The following IMMP2L variants were observed in gnomAD, a reference collection of about 807,000 sequenced individuals.
The protein encoded by IMMP2L is mitochondrial inner membrane protease subunit 2.
In IMMP2L, 18 loss-of-function variants were observed where a neutral mutation model predicts 19.3. The ratio of observed to expected loss-of-function variants is 0.93; its 90% confidence interval spans 0.64 to 1.38. IMMP2L has a LOEUF of 1.38. Ranked by LOEUF, IMMP2L falls within the 40% of genes most tolerant of loss-of-function variation. The probability of loss-of-function intolerance (pLI) is 0.00; values close to 1 mark genes in which losing one functional copy is unlikely to be tolerated. For synonymous variants in IMMP2L, 76 were observed against 73.0 expected, an observed-to-expected ratio of 1.04 and a Z score of -0.21; for missense variants, 233 against 218.2, an observed-to-expected ratio of 1.07 and a Z score of -0.43.
At chr7:110,918,401 T>A (rs141178915) in intron 4 of IMMP2L, among the ~76,000 whole-genome samples, 2 of 152,024 alleles carry the variant, frequency 1.3e-5, no homozygotes, top group African/African-American at 4.8e-5. Flanking sequence ...TTATTTAAGA[T>A]GTGTGAGCTA....
At chr7:111,172,230 C>A (rs569414879) in intron 3 of IMMP2L, among the ~76,000 whole-genome samples, 1 of 151,514 alleles carries the variant, frequency 6.6e-6, no homozygotes, top group African/African-American at 2.4e-5. Flanking sequence ...AAGCAGACTG[C>A]ACTCAACATT....
At chr7:111,317,383 C>T (rs899305375) in intron 3 of IMMP2L, among the ~76,000 whole-genome samples, 5 of 152,028 alleles carry the variant, frequency 3.3e-5, no homozygotes, top group African/African-American at 1.2e-4. Context: ...TTTTGCCAAG[C>T]TTAATATGGT....
At chr7:111,090,187 A>G (rs1013277753) in intron 3 of IMMP2L, among the ~76,000 whole-genome samples, 4 of 152,136 alleles carry the variant, frequency 2.6e-5, no homozygotes, top group African/African-American at 9.7e-5. Flanking sequence ...TCTTTCAGAA[A>G]TATGCACTGC....
intron 3 of IMMP2L, among the ~76,000 whole-genome samples, chr7:110,998,102 C>T (rs115319032): frequency 0.017 from 2,539 of 152,170 alleles, 76 homozygotes; most frequent in African/African-American, 0.056. Flanking sequence ...CCAAACTATC[C>T]TTTCTCAGAA....
chr7:111,105,173 G>A (rs968507765), intron 3 of IMMP2L, among the ~76,000 whole-genome samples: 3 of 151,812 alleles, frequency 2.0e-5, no homozygotes, highest in African/African-American at 7.2e-5. Flanking sequence ...AACCTTTGAA[G>A]TGCCCTTTAA....
chr7:110,932,529 A>G (rs377598446), intron 4 of IMMP2L, among the ~76,000 whole-genome samples: 1 of 151,620 alleles, frequency 6.6e-6, no homozygotes, highest in Non-Finnish European at 1.5e-5. Context: ...ATTTTTTTGT[A>G]TTTTTAAGTA....
intron 3 of IMMP2L, among the ~76,000 whole-genome samples, chr7:111,326,991 G>A (rs1825384159): frequency 6.6e-6 from 1 of 151,712 alleles, no homozygotes; most frequent in South Asian, 2.1e-4. Flanking sequence ...AAAGGATAAG[G>A]AAAACGTAGT....
intron 4 of IMMP2L, among the ~76,000 whole-genome samples, chr7:110,926,700 A>AT (rs978304660): frequency 6.6e-6 from 1 of 152,198 alleles, no homozygotes; most frequent in African/African-American, 2.4e-5. Flanking sequence ...TTGTAGAATG[A>AT]TTTTTTTCCT....
At chr7:110,722,375 T>C (rs1279668749) in intron 5 of IMMP2L, among the ~76,000 whole-genome samples, 2 of 152,062 alleles carry the variant, frequency 1.3e-5, no homozygotes, top group Non-Finnish European at 2.9e-5. Context: ...AGATGTACCA[T>C]CTCTGCCTTT....
At chr7:111,263,449 A>G (rs1384360953) in intron 3 of IMMP2L, among the ~76,000 whole-genome samples, 1 of 152,134 alleles carries the variant, frequency 6.6e-6, no homozygotes, top group Non-Finnish European at 1.5e-5. Flanking sequence ...TGAAATGAGG[A>G]GAACCATGGG....
chr7:110,899,573 C>A (rs982030302), intron 4 of IMMP2L, among the ~76,000 whole-genome samples: 1 of 152,158 alleles, frequency 6.6e-6, no homozygotes, highest in African/African-American at 2.4e-5. Context: ...CAAATTGCTT[C>A]AGCCTACATG....
rs1828060075 is a variant in IMMP2L at position 111,350,688 on chromosome 7, T to C, written c.239+136550A>G. 3.9e-5 allele frequency among the ~76,000 whole-genome samples: 6 copies of C among 152,280 alleles called. No homozygotes were observed. The South Asian group carries it at 1.2e-3, about 32-fold the overall frequency. ...ATATCAACTTTTCACTTCCTTTCTATAGAGTATTTTATACTATAGGAAAAG... is the reference window on the plus strand; with the variant it reads ...ATATCAACTTTTCACTTCCTTTCTACAGAGTATTTTATACTATAGGAAAAG... On this transcript the variant is annotated intron_variant, in intron 3 of 5. Coordinates refer to ENST00000405709, the MANE Select transcript of IMMP2L (RefSeq NM_032549.4).
At chr7:111,062,083 G>C (rs1794068307) in intron 3 of IMMP2L, among the ~76,000 whole-genome samples, 1 of 152,030 alleles carries the variant, frequency 6.6e-6, no homozygotes, top group African/African-American at 2.4e-5. Flanking sequence ...CTGTAATTTA[G>C]AGCTCTTCTA....
At chr7:111,068,775 G>A (rs1464981431) in intron 3 of IMMP2L, among the ~76,000 whole-genome samples, 2 of 152,098 alleles carry the variant, frequency 1.3e-5, no homozygotes, top group Admixed American at 1.3e-4. Flanking sequence ...AATAGACCCT[G>A]TCTAGTCTCT....
intron 3 of IMMP2L, among the ~76,000 whole-genome samples, chr7:111,098,650 C>G (rs191261881): frequency 6.6e-6 from 1 of 151,850 alleles, no homozygotes; most frequent in African/African-American, 2.4e-5. Flanking sequence ...ATGCTAAGCA[C>G]TTAACATACA....
Position 111,048,260 on chromosome 7 carries a change from AAAAAAG to A in IMMP2L, c.240-84701_240-84696del, listed in dbSNP as rs1289713706. Among the ~76,000 whole-genome samples the A allele has an allele frequency of 1.4e-3, 202 of 149,394 alleles. 1 individual carries two copies. The highest frequency in any genetic ancestry group is 4.3e-3 in the African/African-American group (173 of 39,966). On this transcript the variant is annotated intron_variant, in intron 3 of 5. Transcript: ENST00000405709. Reference sequence around the variant, plus strand: ...TCTCAAAAAAAAAAAAAAAAAAAAAAAAAAAGAAAAAAAGAAAAAAGAAAAAAAGAA... The same window carrying A: ...TCTCAAAAAAAAAAAAAAAAAAAAAAAAAAAAAGAAAAAAGAAAAAAAGAA...
chr7:111,123,583 C>T lies in IMMP2L; in HGVS notation c.240-160018G>A, dbSNP rs749025028. On this transcript the variant is annotated intron_variant, in intron 3 of 5. Coordinates refer to ENST00000405709, the MANE Select transcript of IMMP2L (RefSeq NM_032549.4). This position sits in a 1 kb window ranked among gnomAD's most constrained non-coding sequence, Gnocchi z 6.4. Reference sequence around the variant, plus strand: ...CAAATTTTTGGATCTAAATAAAAATCCTATTAATAGAATACGAAGGGGTGA... The same window carrying T: ...CAAATTTTTGGATCTAAATAAAAATTCTATTAATAGAATACGAAGGGGTGA... 16 of 1,613,084 alleles carry T rather than the reference C, an allele frequency of 9.9e-6. No homozygotes were observed. The East Asian group carries it at 3.3e-4, about 34-fold the overall frequency.
At chr7:110,863,148 T>A (rs1400452851) in intron 5 of IMMP2L, among the ~76,000 whole-genome samples, 1 of 152,118 alleles carries the variant, frequency 6.6e-6, no homozygotes, top group Non-Finnish European at 1.5e-5. Context: ...GCAAGCAGGG[T>A]AACATTTCAG....
chr7:111,539,603 C>G (rs1848338862), intron 1 of IMMP2L, among the ~76,000 whole-genome samples: 1 of 150,792 alleles, frequency 6.6e-6, no homozygotes, highest in Non-Finnish European at 1.5e-5. Flanking sequence ...TGAACTGCCT[C>G]AATCAGAGCC....
Sources: allele counts gnomAD v4.1 joint callset (sites outside exome capture counted in the v4.1 genomes callset), GRCh38; gene constraint gnomAD v4.1.1; non-coding constraint Gnocchi (gnomAD v3.1); transcripts MANE v1.5; gene names NCBI Gene and HGNC (gene_info 2026-07-23, HGNC 2026-07-21).